The following NCAM1 variants were observed in gnomAD, a reference collection of about 807,000 sequenced individuals.
NCAM1 encodes antigen recognized by monoclonal antibody 5.1H11.
NCAM1 carries 14 observed loss-of-function variants against 109.8 expected under a neutral mutation model. The observed-to-expected ratio is 0.13, with a 90% confidence interval of 0.08 to 0.20. The LOEUF is 0.20. Ranked by LOEUF, NCAM1 falls within the 10% of genes least tolerant of loss-of-function variation. The pLI is 1.00. For missense variants in NCAM1, 774 were observed against 1,109.9 expected (o/e 0.70, Z 4.30); for synonymous variants, 418 against 442.9 (o/e 0.94, Z 0.70).
At chr11:112,981,677 G>C (rs909992173) in intron 1 of NCAM1, among the ~76,000 whole-genome samples, 3 of 151,850 alleles carry the variant, frequency 2.0e-5, no homozygotes, top group Non-Finnish European at 4.4e-5. Flanking sequence ...ATTTGGTGCA[G>C]CTATTCCCAC....
intron 1 of NCAM1, among the ~76,000 whole-genome samples, chr11:113,094,938 A>G (rs2135798893): frequency 1.3e-5 from 2 of 152,320 alleles, no homozygotes; most frequent in Admixed American, 1.3e-4. Context: ...GTGTATTTTT[A>G]TATGAGGGCT....
At chr11:113,244,643 CTG>C (rs1419059273) in intron 14 of NCAM1, among the ~76,000 whole-genome samples, 19 of 103,086 alleles carry the variant, frequency 1.8e-4, no homozygotes, top group African/African-American at 7.7e-4. Context: ...AGTTTTGCTT[CTG>C]TGTGTGTGCG....
At position 113,232,217 on chromosome 11, in the gene NCAM1, A is replaced by C; in HGVS notation, c.1288A>C (p.Asn430His). ...TGTGGCTGTGTACACTTGGGAGGGGAACCAGGTGAACATCACCTGCGAGGT... is the reference window on the plus strand; with the variant it reads ...TGTGGCTGTGTACACTTGGGAGGGGCACCAGGTGAACATCACCTGCGAGGT... Reference protein sequence around the residue: ...GPVAVYTWEGNQVNITCEVFA... With the variant: ...GPVAVYTWEGHQVNITCEVFA... The change falls in exon 11 of 20, where the codon AAC becomes CAC. Residue 430 changes from asparagine (N) to histidine (H), a missense_variant. Coordinates refer to ENST00000316851, the MANE Select transcript of NCAM1 (RefSeq NM_181351.5). 1 of 1,613,320 alleles carries C rather than the reference A, an allele frequency of 6.2e-7. No individual in the cohort carries two copies. The highest frequency in any genetic ancestry group is 8.5e-7 in the Non-Finnish European group (1 of 1,179,608).
At chr11:113,060,756 T>C (rs1018607695) in intron 1 of NCAM1, among the ~76,000 whole-genome samples, 2 of 152,202 alleles carry the variant, frequency 1.3e-5, no homozygotes, top group Non-Finnish European at 2.9e-5. Flanking sequence ...ATTTATATCT[T>C]TTGCATTTCA....
chr11:113,133,160 G>A (rs1941469082), intron 1 of NCAM1: 1 of 152,240 alleles, frequency 6.6e-6, no homozygotes, highest in South Asian at 2.1e-4. Flanking sequence ...AGATGCTAAA[G>A]AGCCTTCTCT....
chr11:113,009,313 T>TTTTTTTTTTG (rs1565379589), intron 1 of NCAM1, among the ~76,000 whole-genome samples: 2 of 67,584 alleles, frequency 3.0e-5, no homozygotes, highest in African/African-American at 6.5e-5. Context: ...TTTTTTCGGG[T>TTTTTTTTTTG]TTTTTTTTTT....
intron 1 of NCAM1, among the ~76,000 whole-genome samples, chr11:112,967,322 A>T (rs1416991298): frequency 6.6e-6 from 1 of 152,200 alleles, no homozygotes; most frequent in Non-Finnish European, 1.5e-5. Context: ...AGTTGATCAA[A>T]TATGTTTATT....
At chr11:113,275,040 CTTT>C (rs1555126260) in intron 19 of NCAM1, among the ~76,000 whole-genome samples, 1 of 152,210 alleles carries the variant, frequency 6.6e-6, no homozygotes. Context: ...CACTTGGGTG[CTTT>C]TAAAAGTCAC....
rs1591480239 is a variant in NCAM1 at position 113,274,454 on chromosome 11, A to T, written c.2457-813A>T. 6.6e-6 allele frequency among the ~76,000 whole-genome samples: 1 copy of T among 152,128 alleles called. No individual in the cohort carries two copies. Among genetic ancestry groups the T allele is most frequent in the East Asian group, 1.9e-4 (1 of 5,154 alleles). The stretch of plus-strand genomic sequence containing the variant: ...CTGTCCCCATGCATCCTCAGACCCG[A>T]CTCCCTTTCCTGGAACTGATGGAGG... On this transcript the variant is annotated intron_variant, in intron 19 of 19. Transcript: ENST00000316851. This position sits in a 1 kb window ranked among gnomAD's most constrained non-coding sequence, Gnocchi z 4.1.
chr11:112,976,424 GGAGGAGAAC>G (rs2134611095), intron 1 of NCAM1, among the ~76,000 whole-genome samples: 1 of 151,874 alleles, frequency 6.6e-6, no homozygotes, highest in African/African-American at 2.4e-5. Context: ...AATGTACAAA[GGAGGAGAAC>G]TTTTAGAATT....
intron 8 of NCAM1, among the ~76,000 whole-genome samples, chr11:113,218,344 G>A (rs1944589271): frequency 6.6e-6 from 1 of 152,168 alleles, no homozygotes; most frequent in African/African-American, 2.4e-5. Flanking sequence ...CGGTGCCACA[G>A]TGCTCTCTCA....
At chr11:113,242,983 G>A in intron 14 of NCAM1, 1 of 1,501,658 alleles carries the variant, frequency 6.7e-7, no homozygotes, top group Non-Finnish European at 8.9e-7. Flanking sequence ...CTCCTAGCCT[G>A]GTGTGGTTTC....
At position 113,124,893 on chromosome 11, in the gene NCAM1, A is replaced by G. The variant is rs539056271; in HGVS notation, c.53-77486A>G. On this transcript the variant is annotated intron_variant, in intron 1 of 19. Transcript: ENST00000316851. ...ATTGAATGTATATTTAACGTGTGTC[A>G]TAAAGATGTGTGCAGATTGCTTGAG... Among the ~76,000 whole-genome samples the G allele has an allele frequency of 2.0e-5, 3 of 152,356 alleles. No individual in the cohort carries two copies. In the South Asian group the frequency reaches 6.2e-4, roughly 32 times the overall value.
chr11:113,232,970 C>T (rs1945054333), intron 12 of NCAM1, among the ~76,000 whole-genome samples, 156 bp downstream of exon 12: 1 of 152,164 alleles, frequency 6.6e-6, no homozygotes, highest in Non-Finnish European at 1.5e-5. Flanking sequence ...GCCATTGGAT[C>T]AGCGCATGGG....
At chr11:113,135,696 G>A (rs764705660) in intron 1 of NCAM1, among the ~76,000 whole-genome samples, 1 of 152,154 alleles carries the variant, frequency 6.6e-6, no homozygotes, top group Non-Finnish European at 1.5e-5. Flanking sequence ...GCTGGACTAT[G>A]CAACTGCCAG....
chr11:113,028,934 A>G (rs1465567321), intron 1 of NCAM1, among the ~76,000 whole-genome samples: 2 of 152,200 alleles, frequency 1.3e-5, no homozygotes, highest in Non-Finnish European at 2.9e-5. Context: ...ACTAGCAAAA[A>G]TATTTCTTCA....
chr11:113,174,636 CTT>C (rs1398530422), intron 1 of NCAM1, among the ~76,000 whole-genome samples: 9 of 152,176 alleles, frequency 5.9e-5, no homozygotes, highest in African/African-American at 2.2e-4. Flanking sequence ...CTAGTATAGA[CTT>C]TAACCTTATT....
chr11:113,191,599 AGTTT>A (rs1331671925), intron 1 of NCAM1, among the ~76,000 whole-genome samples: 9 of 152,072 alleles, frequency 5.9e-5, no homozygotes, highest in Non-Finnish European at 1.2e-4. Context: ...TCCATTCCTC[AGTTT>A]GTTTGTTTGT....
chr11:113,006,978 A>G (rs1951908188), intron 1 of NCAM1, among the ~76,000 whole-genome samples: 2 of 152,240 alleles, frequency 1.3e-5, no homozygotes, highest in Non-Finnish European at 1.5e-5. Context: ...ATTAGCCACT[A>G]TGAAAGAAGG....
Sources: gnomAD v4.1 joint callset for allele counts (sites outside exome capture counted in the v4.1 genomes callset) on GRCh38, gnomAD v4.1.1 for gene constraint, Gnocchi (gnomAD v3.1) non-coding constraint, MANE v1.5 for transcripts, NCBI Gene and HGNC (gene_info 2026-07-23, HGNC 2026-07-21) for gene names.